Variants in MACROD2 observed in about 807,000 individuals in gnomAD.
MACROD2 encodes mono-ADP ribosylhydrolase 2.
Under a neutral mutation model 70.4 loss-of-function variants are expected in MACROD2, and 36 were observed. That is an observed-to-expected ratio of 0.51 (90% CI 0.39 to 0.68). The LOEUF (loss-of-function observed/expected upper bound fraction) is 0.68. MACROD2 is among the 30% of genes least tolerant of loss of function. The pLI is 0.00. For missense variants in MACROD2, 496 were observed against 538.4 expected (o/e 0.92, Z 0.78); for synonymous variants, 172 against 178.8 (o/e 0.96, Z 0.30).
chr20:14,931,822 A>AC (rs1420773526), intron 5 of MACROD2, among the ~76,000 whole-genome samples: 2 of 128,958 alleles, frequency 1.6e-5, no homozygotes, highest in Non-Finnish European at 3.4e-5. Flanking sequence ...ACATAACAAG[A>AC]CCCCCATCTC....
At chr20:15,775,925 G>A (rs1043694919) in intron 8 of MACROD2, among the ~76,000 whole-genome samples, 1 of 152,120 alleles carries the variant, frequency 6.6e-6, no homozygotes, top group African/African-American at 2.4e-5. Context: ...AACTGGAAAA[G>A]TACCCATGAA....
At chr20:14,111,635 AAT>A (rs1210340253) in intron 3 of MACROD2, among the ~76,000 whole-genome samples, 1 of 152,094 alleles carries the variant, frequency 6.6e-6, no homozygotes, top group African/African-American at 2.4e-5. Context: ...TCATCAGAGA[AAT>A]ACACATCAAA....
intron 8 of MACROD2, among the ~76,000 whole-genome samples, chr20:15,527,873 T>C (rs1248086396): frequency 6.6e-6 from 1 of 152,254 alleles, no homozygotes; most frequent in African/African-American, 2.4e-5. Context: ...TTTCTCCATT[T>C]TCTCCATAGC....
In MACROD2 at chr20:15,967,541, G is replaced by C. The variant is rs372220981; in HGVS notation, c.908-12G>C. ...AAAATGCTGACCAAAGGTTTTGCTT[G>C]TTTGTTGTTAGATTTTGCAAAGGAT... On this transcript the variant is annotated splice_polypyrimidine_tract_variant and intron_variant, in intron 12 of 17. Coordinates refer to ENST00000684519, the MANE Select transcript of MACROD2 (RefSeq NM_001351661.2). 47 of 1,608,642 alleles carry C rather than the reference G, an allele frequency of 2.9e-5. No individual in the cohort carries two copies. Among genetic ancestry groups the C allele is most frequent in the Non-Finnish European group, 3.9e-5 (46 of 1,177,802 alleles).
chr20:15,405,993 A>G (rs1441284902), intron 6 of MACROD2, among the ~76,000 whole-genome samples: 1 of 152,190 alleles, frequency 6.6e-6, no homozygotes, highest in African/African-American at 2.4e-5. Flanking sequence ...GGACATGATG[A>G]TCAGCTGAGT....
intron 4 of MACROD2, among the ~76,000 whole-genome samples, chr20:14,663,616 A>G (rs1435181342): frequency 6.6e-6 from 1 of 151,958 alleles, no homozygotes; most frequent in Non-Finnish European, 1.5e-5. Flanking sequence ...TATATGAGGT[A>G]AAATATTAAC....
chr20:15,189,368 G>C (rs957768334), intron 5 of MACROD2, among the ~76,000 whole-genome samples: 19 of 151,852 alleles, frequency 1.3e-4, no homozygotes, highest in African/African-American at 4.6e-4. Context: ...GTATATGTAT[G>C]TACACGCACA....
intron 9 of MACROD2, among the ~76,000 whole-genome samples, chr20:15,882,037 A>T (rs1196088006): frequency 3.3e-5 from 5 of 152,084 alleles, no homozygotes; most frequent in African/African-American, 1.2e-4. Context: ...GAAGTTGATA[A>T]TTTTATTATC....
At position 14,827,518 on chromosome 20, in the gene MACROD2, C is replaced by T. The variant is rs562738130; in HGVS notation, c.418+142559C>T. Among the ~76,000 whole-genome samples the T allele has an allele frequency of 1.1e-4, 16 of 152,044 alleles. 1 individual carries two copies. In the Middle Eastern group the frequency reaches 0.014, roughly 129 times the overall value. ...TGTCCTTTCTGAGATTTAAGCATTA[C>T]TTTAGTCACTTAATCAAAAATCATA... On this transcript the variant is annotated intron_variant, in intron 5 of 17. Transcript: ENST00000684519.
intron 3 of MACROD2, among the ~76,000 whole-genome samples, chr20:14,251,571 G>A (rs1346128009): frequency 1.3e-5 from 2 of 151,980 alleles, no homozygotes; most frequent in African/African-American, 4.8e-5. Flanking sequence ...GTGAAACAGC[G>A]AAAACTCATT....
At chr20:14,168,739 T>A (rs899611744) in intron 3 of MACROD2, among the ~76,000 whole-genome samples, 1 of 151,800 alleles carries the variant, frequency 6.6e-6, no homozygotes, top group African/African-American at 2.4e-5. Flanking sequence ...CCTTGCCTTT[T>A]ACCAGGTGGA....
intron 5 of MACROD2, among the ~76,000 whole-genome samples, chr20:14,985,809 C>G (rs142217647): frequency 1.4e-5 from 2 of 145,024 alleles, no homozygotes; most frequent in African/African-American, 5.1e-5. Flanking sequence ...GGGCCAGGGT[C>G]GGGGGCAGGG....
chr20:15,119,664 A>G (rs956277341), intron 5 of MACROD2, among the ~76,000 whole-genome samples: 4 of 152,242 alleles, frequency 2.6e-5, no homozygotes, highest in Non-Finnish European at 5.9e-5. Flanking sequence ...CCACACATAT[A>G]TAGCAGTTTT....
chr20:14,848,529 T>G (rs2073166311), intron 5 of MACROD2, among the ~76,000 whole-genome samples: 1 of 152,070 alleles, frequency 6.6e-6, no homozygotes, highest in African/African-American at 2.4e-5. Context: ...TGAAACAGAT[T>G]TAGAGCAAGT....
chr20:14,690,111 A>T (rs2071046098), intron 5 of MACROD2, among the ~76,000 whole-genome samples: 1 of 151,840 alleles, frequency 6.6e-6, no homozygotes, highest in African/African-American at 2.4e-5. Context: ...AAACCATATC[A>T]CCCTTATTTG....
chr20:14,826,342 A>C (rs2072902650), intron 5 of MACROD2, among the ~76,000 whole-genome samples: 1 of 152,108 alleles, frequency 6.6e-6, no homozygotes, highest in South Asian at 2.1e-4. Flanking sequence ...AGGTTTTAGC[A>C]TCCTCATTGT....
intron 5 of MACROD2, among the ~76,000 whole-genome samples, chr20:14,857,651 G>T (rs570810997): frequency 1.3e-5 from 2 of 151,996 alleles, no homozygotes; most frequent in African/African-American, 4.8e-5. Flanking sequence ...TAATTAATGC[G>T]GAAAGTGGCA....
intron 8 of MACROD2, among the ~76,000 whole-genome samples, chr20:15,784,649 A>G: frequency 6.6e-6 from 1 of 152,160 alleles, no homozygotes; most frequent in Admixed American, 6.5e-5. Context: ...AAATAACAAT[A>G]AAACGTGATT....
chr20:15,564,794 C>A (rs1205561538), intron 8 of MACROD2, among the ~76,000 whole-genome samples: 1 of 152,066 alleles, frequency 6.6e-6, no homozygotes, highest in Non-Finnish European at 1.5e-5. Flanking sequence ...TGCTTTTTGT[C>A]ATTATATATG....
Sources: allele counts gnomAD v4.1 joint callset (sites outside exome capture counted in the v4.1 genomes callset), GRCh38; gene constraint gnomAD v4.1.1; transcripts MANE v1.5; gene names NCBI Gene and HGNC (gene_info 2026-07-23, HGNC 2026-07-21).